The following DNAAF9 variants were observed in gnomAD, a reference collection of about 807,000 sequenced individuals.
DNAAF9 encodes the protein shulin.
In DNAAF9, 90 loss-of-function variants were observed where a neutral mutation model predicts 167.0. The observed-to-expected ratio is 0.54, with a 90% CI of 0.45 to 0.64. The LOEUF is 0.64. Ranked by LOEUF, DNAAF9 falls within the 30% of genes least tolerant of loss-of-function variation. The pLI is 0.00. For missense variants in DNAAF9, 1,315 were observed against 1,442.2 expected, an observed-to-expected ratio of 0.91 and a Z score of 1.43; for synonymous variants, 491 against 508.8, an observed-to-expected ratio of 0.96 and a Z score of 0.47.
chr20:3,405,463 G>T (rs188963453), intron 1 of DNAAF9, among the ~76,000 whole-genome samples: 201 of 152,282 alleles, frequency 1.3e-3, no homozygotes, highest in African/African-American at 4.4e-3. Flanking sequence ...AGAAAAGCAC[G>T]TTCAATCATG....
chr20:3,296,578 T>C lies in DNAAF9; in HGVS notation c.2018+283A>G. ...TTTTTGTAGGGACGGGGTCTCACTA[T>C]GTTGCCCAGGCAGGCTAGTCTCTAA... On this transcript the variant is annotated intron_variant, in intron 23 of 36. Coordinates refer to ENST00000252032, the MANE Select transcript of DNAAF9 (RefSeq NM_001009984.3). 7.5e-6 allele frequency: 3 copies of C among 399,050 alleles called. No homozygotes were observed. The Admixed American group carries it at 1.3e-4, about 17-fold the overall frequency. The allele number at this position is 399,050 out of a possible 1,614,324, so 24.7% of individuals were successfully genotyped here. A position where few individuals can be genotyped will look rare whatever the true frequency, so the allele number is the denominator to read the frequency against.
chr20:3,293,947 T>C (rs1340783625), intron 25 of DNAAF9, among the ~76,000 whole-genome samples, 192 bp downstream of exon 25: 2 of 152,048 alleles, frequency 1.3e-5, no homozygotes, highest in Non-Finnish European at 2.9e-5. Context: ...GGGGTTAATG[T>C]AGACACCTGA....
intron 30 of DNAAF9, among the ~76,000 whole-genome samples, chr20:3,266,282 T>C (rs566705325): frequency 9.2e-5 from 14 of 152,322 alleles, no homozygotes; most frequent in South Asian, 4.1e-4. Flanking sequence ...GACCTTTCCA[T>C]TGTAAGGTAT....
intron 31 of DNAAF9, among the ~76,000 whole-genome samples, chr20:3,261,673 CTTTAT>C (rs897385286): frequency 9.2e-5 from 14 of 151,780 alleles, no homozygotes; most frequent in African/African-American, 3.2e-4. Flanking sequence ...CCCCTGTTTC[CTTTAT>C]TTTAAAACAG....
In DNAAF9 at chr20:3,340,435, C is replaced by CCCCT; in HGVS notation, c.981+68_981+69insAGGG. ...GGAAAAGGTTCTTTTTGTCTAGCTC[C>CCCCT]CCCCACCCACCCCACCCCCACAACT... On this transcript the variant is annotated intron_variant, in intron 10 of 36. Coordinates refer to ENST00000252032, the MANE Select transcript of DNAAF9 (RefSeq NM_001009984.3). 9.4e-6 allele frequency: 2 copies of CCCCT among 212,126 alleles called. 1 individual carries two copies. The highest frequency in any genetic ancestry group is 2.0e-5 in the Non-Finnish European group (2 of 99,110). 13.1% of individuals were successfully genotyped at this position (212,126 alleles called of 1,614,324 possible).
intron 6 of DNAAF9, 144 bp from the exon 7 acceptor site, chr20:3,359,737 G>T (rs2083335174): frequency 3.4e-6 from 2 of 596,666 alleles, no homozygotes; most frequent in East Asian, 3.0e-5. Flanking sequence ...AATTATATTT[G>T]CCCTATACAT....
At chr20:3,284,396 G>A (rs2068815549) in intron 27 of DNAAF9, among the ~76,000 whole-genome samples, 1 of 151,992 alleles carries the variant, frequency 6.6e-6, no homozygotes, top group Non-Finnish European at 1.5e-5. Flanking sequence ...TGCTCAGGCT[G>A]CTCTCAAACT....
chr20:3,336,252 G>GTTTTTTTT (rs1178750984), intron 10 of DNAAF9, among the ~76,000 whole-genome samples: 1,101 of 81,166 alleles, frequency 0.014, 83 homozygotes, highest in African/African-American at 0.031. Flanking sequence ...ACAGTTTTGC[G>GTTTTTTTT]TTTTTGTTTT....
At chr20:3,341,067 T>C (rs1347516520) in intron 9 of DNAAF9, among the ~76,000 whole-genome samples, 2 of 152,124 alleles carry the variant, frequency 1.3e-5, no homozygotes, top group South Asian at 4.1e-4. Context: ...TAACTTTCAA[T>C]AGGGAAGGAG....
At chr20:3,306,993 G>C (rs1296138394) in intron 20 of DNAAF9, 47 of 985,164 alleles carry the variant, frequency 4.8e-5, no homozygotes, top group Non-Finnish European at 5.7e-5. Context: ...CTCTACATTT[G>C]TACTTTTGAA....
intron 20 of DNAAF9, among the ~76,000 whole-genome samples, chr20:3,310,339 A>AAGAAAAAAGAAAGAG (rs2069386028): frequency 7.1e-6 from 1 of 141,760 alleles, no homozygotes; most frequent in African/African-American, 2.6e-5. Flanking sequence ...AAGAAAAAGA[A>AAGAAAAAAGAAAGAG]AGAAAGAAAG....
chr20:3,407,418 C>G, intron 1 of DNAAF9, 57 bp downstream of exon 1: 1 of 1,244,194 alleles, frequency 8.0e-7, no homozygotes, highest in Non-Finnish European at 1.0e-6. Context: ...CGTCGCCGGA[C>G]CCCGACAGCC....
chr20:3,361,698 A>G (rs1307889889), intron 6 of DNAAF9, among the ~76,000 whole-genome samples: 3 of 152,254 alleles, frequency 2.0e-5, no homozygotes, highest in Non-Finnish European at 4.4e-5. Context: ...CACAACTTAT[A>G]TATTTCAAAT....
At chr20:3,265,625 AAT>A (rs2068476519) in intron 30 of DNAAF9, among the ~76,000 whole-genome samples, 1 of 151,518 alleles carries the variant, frequency 6.6e-6, no homozygotes, top group Admixed American at 6.6e-5. Context: ...ACTTGAATTA[AAT>A]ACTTTTTTTG....
intron 6 of DNAAF9, among the ~76,000 whole-genome samples, chr20:3,364,786 T>C (rs1425512323): frequency 6.6e-6 from 1 of 152,186 alleles, no homozygotes; most frequent in Non-Finnish European, 1.5e-5. Flanking sequence ...ATCTTTTTGC[T>C]GGTGGAGGGT....
chr20:3,350,001 A>G (rs2070282617), intron 7 of DNAAF9, among the ~76,000 whole-genome samples: 1 of 152,106 alleles, frequency 6.6e-6, no homozygotes, highest in African/African-American at 2.4e-5. Context: ...TCAAGGATAC[A>G]CAAGTACTCA....
intron 17 of DNAAF9, among the ~76,000 whole-genome samples, chr20:3,317,750 C>T (rs1330383192): frequency 1.3e-5 from 2 of 152,212 alleles, no homozygotes; most frequent in South Asian, 2.1e-4. Context: ...GCACCCACCA[C>T]CATGCCCGGC....
intron 12 of DNAAF9, among the ~76,000 whole-genome samples, chr20:3,329,705 C>T (rs1463034146): frequency 2.0e-5 from 3 of 152,170 alleles, no homozygotes; most frequent in African/African-American, 7.2e-5. Context: ...CTGCTGGTCA[C>T]AGGGAAGTGT....
chr20:3,385,604 A>AT (rs1012835465), intron 1 of DNAAF9, among the ~76,000 whole-genome samples: 2 of 152,082 alleles, frequency 1.3e-5, no homozygotes, highest in African/African-American at 4.8e-5. Context: ...TTGAAAAAAA[A>AT]TTTTGGAGAG....
Sources: allele counts gnomAD v4.1 joint callset (sites outside exome capture counted in the v4.1 genomes callset), GRCh38; gene constraint gnomAD v4.1.1; transcripts MANE v1.5; gene names NCBI Gene and HGNC (gene_info 2026-07-23, HGNC 2026-07-21).